Variants in JAZF1 observed in about 807,000 individuals in gnomAD.
JAZF1 encodes JAZF zinc finger 1, also known as juxtaposed with another zinc finger protein 1.
Under a neutral mutation model 26.4 loss-of-function variants are expected in JAZF1, and 8 were observed. That is an observed-to-expected ratio of 0.30 (90% CI 0.18 to 0.55). JAZF1 has a LOEUF of 0.55. Ranked by LOEUF, JAZF1 falls within the 20% of genes least tolerant of loss-of-function variation. The pLI, the probability that JAZF1 is intolerant of heterozygous loss-of-function variation, is 0.94. For synonymous variants in JAZF1, 126 were observed against 122.3 expected (o/e 1.03, Z -0.20); for missense variants, 199 against 322.0 (o/e 0.62, Z 2.92).
intron 2 of JAZF1, among the ~76,000 whole-genome samples, chr7:27,988,588 A>G (rs1785813127): frequency 1.3e-5 from 2 of 152,108 alleles, no homozygotes; most frequent in Admixed American, 1.3e-4. Context: ...GAAGTTACAC[A>G]TATGTACACT....
At chr7:28,076,972 A>T (rs1473273149) in intron 1 of JAZF1, among the ~76,000 whole-genome samples, 1 of 152,160 alleles carries the variant, frequency 6.6e-6, no homozygotes, top group East Asian at 1.9e-4. Flanking sequence ...TGTGTAGACG[A>T]CAACCAATTT....
intron 1 of JAZF1, among the ~76,000 whole-genome samples, chr7:28,029,852 C>T (rs758152911): frequency 6.6e-6 from 1 of 152,168 alleles, no homozygotes; most frequent in Non-Finnish European, 1.5e-5. Context: ...GAAAACAAAT[C>T]ATAGGAATCA....
chr7:27,969,462 T>G (rs1453015713), intron 2 of JAZF1, among the ~76,000 whole-genome samples: 1 of 152,084 alleles, frequency 6.6e-6, no homozygotes, highest in Non-Finnish European at 1.5e-5. Flanking sequence ...TTCTGCTTGT[T>G]GAACATCACG....
rs148307944 is a variant in JAZF1, at chr7:28,134,920, C to T, written c.115+45543G>A. Reference sequence around the variant, plus strand: ...TCCACATCTGATTCCTGCTACCTCCCGAATGCCTAGAATTGTGCTTTATAT... The same window carrying T: ...TCCACATCTGATTCCTGCTACCTCCTGAATGCCTAGAATTGTGCTTTATAT... On this transcript the variant is annotated intron_variant, in intron 1 of 4. Transcript: ENST00000283928. 9.5e-3 allele frequency among the ~76,000 whole-genome samples: 1,447 copies of T among 152,216 alleles called. 25 individuals are homozygous for T. The highest frequency in any genetic ancestry group is 0.034 in the African/African-American group (1,393 of 41,526).
At chr7:27,898,115 C>T (rs745518726) in intron 2 of JAZF1, among the ~76,000 whole-genome samples, 15 of 152,018 alleles carry the variant, frequency 9.9e-5, no homozygotes, top group Non-Finnish European at 1.5e-4. Flanking sequence ...TGAGGACACA[C>T]CACACACCCA....
chr7:27,936,519 TA>T (rs1457955917), intron 2 of JAZF1, among the ~76,000 whole-genome samples: 3 of 152,224 alleles, frequency 2.0e-5, no homozygotes, highest in Admixed American at 2.0e-4. Flanking sequence ...AATAATCTTT[TA>T]TTTTTTATTT....
At chr7:27,933,790 C>T (rs1405807759) in intron 2 of JAZF1, among the ~76,000 whole-genome samples, 1 of 152,098 alleles carries the variant, frequency 6.6e-6, no homozygotes, top group Admixed American at 6.5e-5. Flanking sequence ...GCAAGCTTGG[C>T]AGACTGCAGA....
chr7:28,124,248 C>A (rs138411605), intron 1 of JAZF1, among the ~76,000 whole-genome samples: 1 of 152,130 alleles, frequency 6.6e-6, no homozygotes, highest in Non-Finnish European at 1.5e-5. Context: ...GAGGACACAG[C>A]GAGGGGGCGG....
intron 2 of JAZF1, among the ~76,000 whole-genome samples, chr7:27,947,645 A>G (rs1784940315): frequency 6.6e-6 from 1 of 152,212 alleles, no homozygotes; most frequent in African/African-American, 2.4e-5. Context: ...AAAACTCTAA[A>G]CATAGTGAAT....
At chr7:28,171,695 T>C (rs531922877) in intron 1 of JAZF1, among the ~76,000 whole-genome samples, 1 of 152,356 alleles carries the variant, frequency 6.6e-6, no homozygotes, top group East Asian at 1.9e-4. Flanking sequence ...ACAAACACTC[T>C]AGTTCATATT....
intron 2 of JAZF1, among the ~76,000 whole-genome samples, chr7:27,924,735 A>G (rs1265315115): frequency 6.6e-6 from 1 of 152,246 alleles, no homozygotes; most frequent in East Asian, 1.9e-4. Flanking sequence ...AGAAAAATGA[A>G]TGCCATTAAA....
At chr7:27,919,231 T>G (rs1239283031) in intron 2 of JAZF1, among the ~76,000 whole-genome samples, 1 of 152,208 alleles carries the variant, frequency 6.6e-6, no homozygotes, top group Admixed American at 6.5e-5. Flanking sequence ...ATGCTCAACA[T>G]AGGTGTGTAG....
chr7:28,030,852 C>T (rs1783177357), intron 1 of JAZF1, among the ~76,000 whole-genome samples: 1 of 152,146 alleles, frequency 6.6e-6, no homozygotes, highest in Admixed American at 6.5e-5. Context: ...TAAACATTTA[C>T]TAAGAAGGTT....
At chr7:27,844,210 C>T (rs1041746739) in intron 3 of JAZF1, 5 of 152,232 alleles carry the variant, frequency 3.3e-5, no homozygotes, top group Admixed American at 6.5e-5. Context: ...AAAACACAAC[C>T]GCTGTTAGTC....
chr7:28,092,419 C>T (rs752762699), intron 1 of JAZF1, among the ~76,000 whole-genome samples: 7 of 144,234 alleles, frequency 4.9e-5, no homozygotes, highest in Non-Finnish European at 1.1e-4. Flanking sequence ...AGTTAAAATA[C>T]ACGGTTGGAC....
chr7:27,882,064 C>T (rs1429142699), intron 3 of JAZF1, among the ~76,000 whole-genome samples: 2 of 152,140 alleles, frequency 1.3e-5, no homozygotes, highest in Non-Finnish European at 2.9e-5. Context: ...TGTCAGGGAC[C>T]GACTAATTCA....
chr7:27,912,988 GT>G (rs1784384298), intron 2 of JAZF1, among the ~76,000 whole-genome samples: 1 of 152,058 alleles, frequency 6.6e-6, no homozygotes, highest in South Asian at 2.1e-4. Flanking sequence ...CACATTCTCT[GT>G]GTCCGTATCG....
intron 1 of JAZF1, among the ~76,000 whole-genome samples, chr7:28,145,561 A>G (rs565432153): frequency 6.6e-6 from 1 of 152,212 alleles, no homozygotes; most frequent in Non-Finnish European, 1.5e-5. Flanking sequence ...TTTGGTAACA[A>G]TTCATCCTCA....
At chr7:27,887,057 G>C (rs1783880651) in intron 3 of JAZF1, among the ~76,000 whole-genome samples, 1 of 152,106 alleles carries the variant, frequency 6.6e-6, no homozygotes, top group South Asian at 2.1e-4. Flanking sequence ...TGATGAGAAA[G>C]AGCTAAATGA....
Sources: allele counts gnomAD v4.1 joint callset (sites outside exome capture counted in the v4.1 genomes callset), GRCh38; gene constraint gnomAD v4.1.1; transcripts MANE v1.5; gene names NCBI Gene and HGNC (gene_info 2026-07-23, HGNC 2026-07-21).